The following MPHOSPH9 variants were observed in gnomAD, a reference collection of about 807,000 sequenced individuals.
MPHOSPH9 encodes the protein M-phase phosphoprotein 9.
A neutral mutation model predicts 145.5 loss-of-function variants in MPHOSPH9; 88 were observed. The ratio of observed to expected loss-of-function variants is 0.60; its 90% CI spans 0.51 to 0.72. The LOEUF is 0.72. Among genes scored for constraint, MPHOSPH9 ranks in the 30% least tolerant of loss-of-function variants. MPHOSPH9 has a pLI of 0.00. For missense variants in MPHOSPH9, 1,238 were observed against 1,386.6 expected, an observed-to-expected ratio of 0.89 and a Z score of 1.70; for synonymous variants, 435 against 486.2, an observed-to-expected ratio of 0.89 and a Z score of 1.39.
Position 123,156,923 on chromosome 12 carries a change from T to C in MPHOSPH9, c.3451-15A>G, listed in dbSNP as rs1457359571. 7 of 1,583,950 alleles carry C rather than the reference T, an allele frequency of 4.4e-6. No homozygotes were observed. In the South Asian group the frequency reaches 7.9e-5, roughly 18 times the overall value. On this transcript the variant is annotated splice_polypyrimidine_tract_variant and intron_variant, in intron 23 of 23. Transcript: ENST00000606320. Reference sequence around the variant, plus strand: ...TCCAAGGCTTCCTAGGTGAAAACAATGGGAAAAGTTTAATTAGAATTCTAT... The same window carrying C: ...TCCAAGGCTTCCTAGGTGAAAACAACGGGAAAAGTTTAATTAGAATTCTAT...
At chr12:123,178,223 G>A (rs2044970510) in intron 15 of MPHOSPH9, among the ~76,000 whole-genome samples, 1 of 152,174 alleles carries the variant, frequency 6.6e-6, no homozygotes, top group Non-Finnish European at 1.5e-5. Context: ...TTTAAGCTCT[G>A]TGTATGACTT....
intron 8 of MPHOSPH9, among the ~76,000 whole-genome samples, chr12:123,204,216 C>A (rs1049452946): frequency 4.0e-5 from 6 of 151,562 alleles, no homozygotes; most frequent in African/African-American, 1.5e-4. Context: ...GCAGGAGAAT[C>A]GCTTGAACCT....
At chr12:123,222,065 T>C (rs948710277) in intron 4 of MPHOSPH9, among the ~76,000 whole-genome samples, 170 bp from the exon 5 acceptor site, 16 of 152,218 alleles carry the variant, frequency 1.1e-4, no homozygotes, top group African/African-American at 3.1e-4. Context: ...CCAGGCACAG[T>C]GGCTCACGCC....
At chr12:123,202,489 AG>A in intron 10 of MPHOSPH9, 134 bp downstream of exon 10, 3 of 1,202,166 alleles carry the variant, frequency 2.5e-6, no homozygotes, top group Non-Finnish European at 3.4e-6. Flanking sequence ...CAAGTGAAAA[AG>A]TTTTTATATG....
intron 6 of MPHOSPH9, among the ~76,000 whole-genome samples, chr12:123,217,222 G>A (rs372129449): frequency 3.3e-5 from 5 of 150,260 alleles, no homozygotes; most frequent in South Asian, 2.1e-4. Context: ...TTTTTTAGAC[G>A]GAATCTCGCT....
chr12:123,202,488 A>C (rs904105792), intron 10 of MPHOSPH9, 136 bp downstream of exon 10: 2 of 1,200,078 alleles, frequency 1.7e-6, no homozygotes. Flanking sequence ...TCAAGTGAAA[A>C]AGTTTTTATA....
chr12:123,208,955 C>G (rs778431287), intron 8 of MPHOSPH9, among the ~76,000 whole-genome samples: 1 of 152,026 alleles, frequency 6.6e-6, no homozygotes, highest in Admixed American at 6.6e-5. Context: ...TTTGCTGAGG[C>G]GGAGTCTCGC....
intron 12 of MPHOSPH9, among the ~76,000 whole-genome samples, chr12:123,197,047 T>G (rs1050691381): frequency 6.8e-4 from 101 of 147,840 alleles, no homozygotes; most frequent in African/African-American, 2.4e-3. Flanking sequence ...TTTTTTTTTT[T>G]TTTTTTTTTT....
At chr12:123,182,476 C>T (rs2045227694) in intron 13 of MPHOSPH9, among the ~76,000 whole-genome samples, 1 of 150,820 alleles carries the variant, frequency 6.6e-6, no homozygotes, top group South Asian at 2.1e-4. Flanking sequence ...AAACTCCTGA[C>T]CTCAAGTGAT....
rs967557454 is a variant in MPHOSPH9 at position 123,227,534 on chromosome 12, C to T, written c.187G>A (p.Val63Ile). The T allele has an allele frequency of 6.5e-7, 1 of 1,532,944 alleles. No homozygotes were observed. The highest frequency in any genetic ancestry group is 8.7e-7 in the Non-Finnish European group (1 of 1,144,798). The allele number at this position is 1,532,944 out of a possible 1,614,324, so 95.0% of individuals were successfully genotyped here. A position where few individuals can be genotyped will look rare whatever the true frequency, so the allele number is the denominator to read the frequency against. ...AGCTCTTGCATTAAAGAAGTTAGGACTTCAACTGTACCTTGAATTACAGAT... is the reference window on the plus strand; with the variant it reads ...AGCTCTTGCATTAAAGAAGTTAGGATTTCAACTGTACCTTGAATTACAGAT... ...RPSVIQGTVE[V>I]LTSLMQELQN... The change falls in exon 3 of 24, where the codon GTC (valine) becomes ATC (isoleucine). Residue 63 changes from valine to isoleucine, a missense_variant. Around this residue, in one of 3 missense-constraint regions of MPHOSPH9, gnomAD observed 837 missense variants for 897.5 expected, o/e 0.93. Transcript: ENST00000606320.
chr12:123,165,541 C>T (rs1028347102), intron 17 of MPHOSPH9, 64 bp from the exon 18 acceptor site: 4 of 1,406,224 alleles, frequency 2.8e-6, no homozygotes, highest in African/African-American at 2.9e-5. Context: ...GCCCCCCGCC[C>T]CCACACCAAA....
chr12:123,174,844 T>C (rs1413117498), intron 16 of MPHOSPH9, among the ~76,000 whole-genome samples: 1 of 152,206 alleles, frequency 6.6e-6, no homozygotes, highest in Non-Finnish European at 1.5e-5. Context: ...TACCTTTAGT[T>C]GTTTGAGAGA....
chr12:123,193,108 T>TATACACACACAC (rs1326040192), intron 13 of MPHOSPH9, among the ~76,000 whole-genome samples: 1 of 94,896 alleles, frequency 1.1e-5, no homozygotes, highest in African/African-American at 4.2e-5. Context: ...TATATATATA[T>TATACACACACAC]ACACACACAC....
chr12:123,202,937 T>C lies in MPHOSPH9; in HGVS notation c.1468A>G (p.Ile490Val), dbSNP rs2046285004. The C allele has an allele frequency of 6.2e-7, 1 of 1,614,176 alleles. No homozygotes were observed. Among genetic ancestry groups the C allele is most frequent in the Non-Finnish European group, 8.5e-7 (1 of 1,180,024 alleles). ...TTACTTGCTTGTGAAAATGAGTCTA[T>C]GTCAGAGGGACTAGACATACTAGGC... ...LEPSMSSPSDIDSFSQASNVT... is the reference protein window; with the variant it reads ...LEPSMSSPSDVDSFSQASNVT... The change falls in exon 10 of 24, where the codon ATA becomes GTA. Residue 490 changes from isoleucine (I) to valine (V), a missense_variant. Physicochemically the swap from Ile to Val is conservative, Grantham distance 29. This residue lies in a region of MPHOSPH9 where 837 missense variants were observed against 897.5 expected (regional missense o/e 0.93). Coordinates refer to ENST00000606320, the MANE Select transcript of MPHOSPH9 (RefSeq NM_022782.4).
intron 11 of MPHOSPH9, among the ~76,000 whole-genome samples, chr12:123,199,517 A>C (rs2046121227): frequency 6.6e-6 from 1 of 152,102 alleles, no homozygotes. Flanking sequence ...ATGGTGGCTC[A>C]CGCCTGTAAT....
At chr12:123,182,388 G>T (rs2045222958) in intron 13 of MPHOSPH9, among the ~76,000 whole-genome samples, 1 of 151,032 alleles carries the variant, frequency 6.6e-6, no homozygotes, top group South Asian at 2.1e-4. Context: ...CAAGTAGCTG[G>T]GATTACAGGC....
chr12:123,218,469 C>T lies in MPHOSPH9; in HGVS notation c.903G>A (p.Leu301=). The T allele has an allele frequency of 6.2e-7, 1 of 1,613,882 alleles. No individual in the cohort carries two copies. Among genetic ancestry groups the T allele is most frequent in the Non-Finnish European group, 8.5e-7 (1 of 1,179,876 alleles). ...SNAITSWAQK[L]KQNQPKRAHV... is the part of the protein sequence containing the mutation. The stretch of plus-strand genomic sequence containing the variant: ...GTGCTCTCTTTGGTTGGTTCTGCTT[C>T]AGTTTTTGTGCCCATGATGTTATAG... Residue 301 remains leucine, a synonymous_variant, in exon 6 of 24, where the codon CTG becomes CTA. Transcript: ENST00000606320.
At chr12:123,180,935 T>C (rs1269798792) in intron 14 of MPHOSPH9, among the ~76,000 whole-genome samples, 1 of 152,212 alleles carries the variant, frequency 6.6e-6, no homozygotes, top group African/African-American at 2.4e-5. Flanking sequence ...TCAAATGCAA[T>C]AGCCATTCAA....
At position 123,202,794 on chromosome 12, in the gene MPHOSPH9, C is replaced by T. The variant is rs750095694; in HGVS notation, c.1611G>A (p.Pro537=). Reference sequence around the variant, plus strand: ...CATTACTAGTAATGGTATATACTGACGGAAACGTGGAACTGGTCCTACTTT... The same window carrying T: ...CATTACTAGTAATGGTATATACTGATGGAAACGTGGAACTGGTCCTACTTT... ...QNESRTSSTF[P]SVYTITSNDI... The change falls in exon 10 of 24, where the codon CCG becomes CCA. Residue 537 remains proline (P), a synonymous_variant. Transcript: ENST00000606320. The T allele has an allele frequency of 1.7e-5, 27 of 1,614,000 alleles. No homozygotes were observed. Among genetic ancestry groups the T allele is most frequent in the Non-Finnish European group, 1.8e-5 (21 of 1,180,034 alleles).
Sources: gnomAD v4.1 joint callset for allele counts (sites outside exome capture counted in the v4.1 genomes callset) on GRCh38, gnomAD v4.1.1 for gene constraint, gnomAD v4.1.1 regional missense constraint, MANE v1.5 for transcripts, NCBI Gene and HGNC (gene_info 2026-07-23, HGNC 2026-07-21) for gene names.